PCSK5: variants seen among roughly 807,000 people sequenced by gnomAD.
PCSK5 encodes proprotein convertase subtilisin/kexin type 5.
Under a neutral mutation model 233.2 loss-of-function variants are expected in PCSK5, and 129 were observed. The ratio of observed to expected loss-of-function variants is 0.55; its 90% CI spans 0.48 to 0.64. The LOEUF is 0.64. Ranked by LOEUF, PCSK5 falls within the 30% of genes least tolerant of loss-of-function variation. The pLI is 0.00. For synonymous variants in PCSK5, 825 were observed against 879.2 expected (o/e 0.94, Z 1.09); for missense variants, 2,076 against 2,430.1 (o/e 0.85, Z 3.06).
At chr9:76,172,679 T>C (rs1564078595) in intron 13 of PCSK5, among the ~76,000 whole-genome samples, 1 of 152,232 alleles carries the variant, frequency 6.6e-6, no homozygotes, top group African/African-American at 2.4e-5. Flanking sequence ...ATATGCTTCA[T>C]TTGTACACTT....
intron 35 of PCSK5, among the ~76,000 whole-genome samples, chr9:76,344,602 G>T (rs963904816): frequency 6.6e-6 from 1 of 152,182 alleles, no homozygotes; most frequent in African/African-American, 2.4e-5. Context: ...GTGGTGGAAA[G>T]CTGATATTAT....
intron 13 of PCSK5, among the ~76,000 whole-genome samples, chr9:76,171,086 C>T (rs1253922141): frequency 6.6e-6 from 1 of 152,146 alleles, no homozygotes; most frequent in Non-Finnish European, 1.5e-5. Context: ...ATAGTGGTAA[C>T]CAAGTTTTTA....
intron 12 of PCSK5, among the ~76,000 whole-genome samples, chr9:76,164,586 C>G (rs372161944): frequency 1.3e-5 from 2 of 152,162 alleles, no homozygotes; most frequent in East Asian, 3.8e-4. Context: ...TTCTATCAGT[C>G]TGCGGTGAGG....
intron 3 of PCSK5, among the ~76,000 whole-genome samples, chr9:75,994,404 T>C (rs60200665): frequency 0.097 from 472 of 4,872 alleles, 77 homozygotes; most frequent in Non-Finnish European, 0.15. Flanking sequence ...TTCTTTCTTT[T>C]TTTTTTTTTT....
At chr9:76,114,758 C>A (rs1832358270) in intron 9 of PCSK5, among the ~76,000 whole-genome samples, 1 of 152,048 alleles carries the variant, frequency 6.6e-6, no homozygotes, top group African/African-American at 2.4e-5. Context: ...ATAAAGATTG[C>A]TTTTTCCAAA....
Position 76,217,377 on chromosome 9 carries a change from T to G in PCSK5, c.2627-10126T>G, listed in dbSNP as rs1199529346. ...GCTTATCTGAGGGACCCAGTTTTAC[T>G]CACTGGAGTAGCAACAGCTGAAAAT... On this transcript the variant is annotated intron_variant, in intron 20 of 37. Transcript: ENST00000674117. 5.3e-5 allele frequency among the ~76,000 whole-genome samples: 8 copies of G among 152,358 alleles called. No individual in the cohort carries two copies. The South Asian group carries it at 6.2e-4, about 12-fold the overall frequency.
intron 3 of PCSK5, among the ~76,000 whole-genome samples, chr9:76,004,676 T>A (rs1296539105): frequency 6.6e-6 from 1 of 152,174 alleles, no homozygotes; most frequent in African/African-American, 2.4e-5. Context: ...TATTCAAGAG[T>A]GATGATTCAT....
At chr9:76,298,344 T>G (rs1828505384) in intron 27 of PCSK5, among the ~76,000 whole-genome samples, 1 of 152,154 alleles carries the variant, frequency 6.6e-6, no homozygotes, top group Non-Finnish European at 1.5e-5. Flanking sequence ...GAGGAATTAG[T>G]GCATTTGGGG....
intron 1 of PCSK5, among the ~76,000 whole-genome samples, chr9:75,930,165 T>A (rs1823715642): frequency 6.6e-6 from 1 of 152,178 alleles, no homozygotes; most frequent in African/African-American, 2.4e-5. Context: ...GCCCAGCTGA[T>A]CTCTTGAGAC....
At chr9:76,221,948 G>A (rs1038570257) in intron 20 of PCSK5, among the ~76,000 whole-genome samples, 7 of 152,160 alleles carry the variant, frequency 4.6e-5, no homozygotes, top group African/African-American at 1.7e-4. Flanking sequence ...AGAATATGCA[G>A]GAAGGACAAG....
chr9:75,913,952 A>T (rs1416956956), intron 1 of PCSK5, among the ~76,000 whole-genome samples: 1 of 152,198 alleles, frequency 6.6e-6, no homozygotes, highest in African/African-American at 2.4e-5. Context: ...TTATTCCTGA[A>T]GATAATGCTT....
At chr9:76,309,668 C>T (rs1381541091) in intron 29 of PCSK5, among the ~76,000 whole-genome samples, 1 of 148,738 alleles carries the variant, frequency 6.7e-6, no homozygotes, top group Admixed American at 6.7e-5. Flanking sequence ...CAGAGCAAGA[C>T]GCTGCCTCAA....
chr9:76,214,297 C>A (rs1825441485), intron 20 of PCSK5, among the ~76,000 whole-genome samples: 1 of 150,866 alleles, frequency 6.6e-6, no homozygotes, highest in Non-Finnish European at 1.5e-5. Context: ...CATTCACTCA[C>A]ACACACACAC....
At chr9:76,154,764 C>G (rs1489641384) in intron 10 of PCSK5, among the ~76,000 whole-genome samples, 1 of 152,034 alleles carries the variant, frequency 6.6e-6, no homozygotes, top group Non-Finnish European at 1.5e-5. Flanking sequence ...ATCAACTGTC[C>G]ATGATGACCT....
At chr9:76,044,133 C>T (rs1158791944) in intron 5 of PCSK5, among the ~76,000 whole-genome samples, 1 of 152,094 alleles carries the variant, frequency 6.6e-6, no homozygotes, top group African/African-American at 2.4e-5. Flanking sequence ...TCTTAAATAG[C>T]ATAAGCAGAA....
chr9:76,120,389 A>T (rs761991271), intron 9 of PCSK5, among the ~76,000 whole-genome samples: 2 of 152,094 alleles, frequency 1.3e-5, no homozygotes, highest in African/African-American at 2.4e-5. Flanking sequence ...AAACAATCCC[A>T]GTGGCAATTT....
chr9:76,330,533 G>C (rs1829497972), intron 33 of PCSK5, among the ~76,000 whole-genome samples: 1 of 152,004 alleles, frequency 6.6e-6, no homozygotes, highest in Admixed American at 6.6e-5. Context: ...AGGATTGCTT[G>C]AGCCCAGGAG....
chr9:76,019,990 ATACTGTGCACGTATG>A (rs1430695518), intron 3 of PCSK5, among the ~76,000 whole-genome samples: 3 of 152,234 alleles, frequency 2.0e-5, no homozygotes, highest in Non-Finnish European at 4.4e-5. Context: ...TATCTTGCAT[ATACTGTGCACGTATG>A]TGGTTTTCAA....
At chr9:76,290,013 A>G (rs550986823) in intron 24 of PCSK5, among the ~76,000 whole-genome samples, 3 of 152,298 alleles carry the variant, frequency 2.0e-5, no homozygotes, top group African/African-American at 7.2e-5. Flanking sequence ...AAGTTCCTAG[A>G]TGGGAGGGAT....
Sources: allele counts gnomAD v4.1 joint callset (sites outside exome capture counted in the v4.1 genomes callset), GRCh38; gene constraint gnomAD v4.1.1; transcripts MANE v1.5; gene names NCBI Gene and HGNC (gene_info 2026-07-23, HGNC 2026-07-21).